Variants in SIRPG observed in about 807,000 individuals in gnomAD.
SIRPG encodes the protein signal-regulatory protein gamma.
In SIRPG, 38 loss-of-function variants were observed where a neutral mutation model predicts 35.7. The ratio of observed to expected loss-of-function variants is 1.06; its 90% CI spans 0.82 to 1.40. The LOEUF (loss-of-function observed/expected upper bound fraction) is 1.40. SIRPG is among the 40% of genes most tolerant of loss of function. SIRPG has a pLI of 0.00. For synonymous variants in SIRPG, 215 were observed against 190.4 expected, an observed-to-expected ratio of 1.13 and a Z score of -1.06; for missense variants, 519 against 483.0, an observed-to-expected ratio of 1.07 and a Z score of -0.70.
rs1011612343 is a variant in SIRPG, at chr20:1,647,697, G to A, written c.430+1355C>T. ...AATTTTGATATTTCCATAAATTGGA[G>A]TGTTCTGCAGCTGCTAAAGAGTGGA... is the stretch of plus-strand genomic sequence containing the variant. On this transcript the variant is annotated intron_variant, in intron 2 of 5. Transcript: ENST00000303415. 1.6e-4 allele frequency: 24 copies of A among 152,214 alleles called. 1 individual carries two copies. Among genetic ancestry groups the A allele is most frequent in the African/African-American group, 5.5e-4 (23 of 41,458 alleles). 9.4% of individuals were successfully genotyped at this position (152,214 alleles called of 1,614,324 possible).
At chr20:1,681,574 G>A in the SIRPG span, among the ~76,000 whole-genome samples, 4 of 152,182 alleles carry the variant, frequency 2.6e-5, no homozygotes, top group African/African-American at 7.2e-5. Flanking sequence ...GCTCAAGCCT[G>A]TAATCCCAGT....
chr20:1,645,484 C>G (rs941820461), intron 2 of SIRPG, among the ~76,000 whole-genome samples: 31 of 152,160 alleles, frequency 2.0e-4, no homozygotes. Flanking sequence ...CACCCCAAAC[C>G]CTATGTATCC....
rs138452343 is a variant in SIRPG, at chr20:1,649,301, C to T, written c.181G>A (p.Val61Met). 10 of 1,614,092 alleles carry T rather than the reference C, an allele frequency of 6.2e-6. No individual in the cohort carries two copies. Among genetic ancestry groups the T allele is most frequent in the East Asian group, 2.2e-5 (1 of 44,884 alleles). ...CCTCTGAACCACAGGACGGGTCCCA[C>T]GGGAAGCAGGGAGGTCACAGTGCAG... ...LHCTVTSLLP[V>M]GPVLWFRGVG... The change falls in exon 2 of 6, where the codon GTG (valine) becomes ATG (methionine). Residue 61 changes from valine to methionine, a missense_variant. Physicochemically the swap from Val to Met is conservative, Grantham distance 21 (BLOSUM62 1). Coordinates refer to ENST00000303415, the MANE Select transcript of SIRPG (RefSeq NM_018556.4).
At chr20:1,653,277 C>T (rs2091953644) in intron 1 of SIRPG, among the ~76,000 whole-genome samples, 1 of 152,158 alleles carries the variant, frequency 6.6e-6, no homozygotes, top group African/African-American at 2.4e-5. Context: ...GAGCCTGGAG[C>T]ACTTTGTGCT....
At chr20:1,654,146 G>C (rs2091960582) in intron 1 of SIRPG, among the ~76,000 whole-genome samples, 1 of 151,908 alleles carries the variant, frequency 6.6e-6, no homozygotes, top group Non-Finnish European at 1.5e-5. Flanking sequence ...GGCTGAGGCA[G>C]GGGAATCACT....
intron 2 of SIRPG, among the ~76,000 whole-genome samples, chr20:1,639,879 TC>T (rs1236123359): frequency 6.6e-6 from 1 of 152,208 alleles, no homozygotes; most frequent in African/African-American, 2.4e-5. Flanking sequence ...AAATAGGGAA[TC>T]CTTTCCCCAT....
At chr20:1,649,610 C>G (rs1261540505) in intron 1 of SIRPG, among the ~76,000 whole-genome samples, 1 of 147,600 alleles carries the variant, frequency 6.8e-6, no homozygotes, top group Admixed American at 6.8e-5. Flanking sequence ...GGCACTGAGG[C>G]CTGAGGCACA....
chr20:1,682,965 A>G, the SIRPG span, among the ~76,000 whole-genome samples: 1 of 152,236 alleles, frequency 6.6e-6, no homozygotes, highest in Non-Finnish European at 1.5e-5. Flanking sequence ...GAGACAACAT[A>G]CAGAATGGGA....
Position 1,635,482 on chromosome 20 carries a change from C to G in SIRPG, c.866G>C (p.Gly289Ala). Residue 289 changes from glycine (G) to alanine (A), a missense_variant, in exon 4 of 6, where the codon GGA becomes GCA. Physicochemically the swap from Gly to Ala is moderately conservative, Grantham distance 60 (BLOSUM62 0). Transcript: ENST00000303415. ...GGCTGTTTCTCTCTGGCACACGTTT[C>G]CATTCTCCGACCAGGTCAGCTGTAG... Reference protein sequence around the residue: ...QSLQLTWSENGNVCQRETAST... With the variant: ...QSLQLTWSENANVCQRETAST... 1 of 1,614,154 alleles carries G rather than the reference C, an allele frequency of 6.2e-7. No homozygotes were observed.
chr20:1,635,515 G>A lies in SIRPG; in HGVS notation c.833C>T (p.Pro278Leu). Residue 278 changes from proline to leucine, a missense_variant, in exon 4 of 6, where the codon CCC (proline) becomes CTC (leucine). Pro to Leu is a moderately conservative substitution (Grantham distance 98). Transcript: ENST00000303415. ...NVTCQVRKFY[P>L]QSLQLTWSEN... is the part of the protein sequence containing the mutation. ...CGACCAGGTCAGCTGTAGGCTCTGGGGGTAGAACTTCCTCACCTGGCAGGT... is the reference window on the plus strand; with the variant it reads ...CGACCAGGTCAGCTGTAGGCTCTGGAGGTAGAACTTCCTCACCTGGCAGGT... 1.9e-6 allele frequency: 3 copies of A among 1,614,122 alleles called. No individual in the cohort carries two copies. Among genetic ancestry groups the A allele is most frequent in the Non-Finnish European group, 2.5e-6 (3 of 1,179,986 alleles).
At chr20:1,669,362 G>C in the SIRPG span, among the ~76,000 whole-genome samples, 5 of 152,218 alleles carry the variant, frequency 3.3e-5, no homozygotes, top group African/African-American at 1.2e-4. Flanking sequence ...TAGATGAACG[G>C]AAATTTGCAC....
chr20:1,668,241 TTC>T, the SIRPG span, among the ~76,000 whole-genome samples: 15 of 104,826 alleles, frequency 1.4e-4, no homozygotes, highest in African/African-American at 4.8e-4. Flanking sequence ...CTTTCTTTCT[TTC>T]TTTCTTTTTC....
chr20:1,644,832 C>T (rs2091885185), intron 2 of SIRPG, among the ~76,000 whole-genome samples: 1 of 152,210 alleles, frequency 6.6e-6, no homozygotes, highest in Admixed American at 6.5e-5. Context: ...CAGGGGGCCT[C>T]TGCACCACAC....
At chr20:1,647,078 C>T (rs2091903336) in intron 2 of SIRPG, 1 of 151,638 alleles carries the variant, frequency 6.6e-6, no homozygotes, top group Non-Finnish European at 1.5e-5. Flanking sequence ...GGCTGTAAGT[C>T]AGGCTGGTGG....
chr20:1,662,016 G>T (rs2091997348), upstream of SIRPG, among the ~76,000 whole-genome samples: 1 of 152,148 alleles, frequency 6.6e-6, no homozygotes, highest in Non-Finnish European at 1.5e-5. Context: ...AGCTTTCTGG[G>T]ATGAAACCCA....
chr20:1,633,284 A>T (rs2091765811), intron 4 of SIRPG, among the ~76,000 whole-genome samples: 1 of 152,230 alleles, frequency 6.6e-6, no homozygotes, highest in African/African-American at 2.4e-5. Context: ...CTTGAGGCCC[A>T]AGTGTTTCAA....
chr20:1,658,786 C>T (rs991448257), upstream of SIRPG, among the ~76,000 whole-genome samples: 1 of 152,106 alleles, frequency 6.6e-6, no homozygotes, highest in Admixed American at 6.5e-5. Flanking sequence ...TTGAATGGAT[C>T]CCTCCTGCAT....
chr20:1,671,443 G>T, the SIRPG span, among the ~76,000 whole-genome samples: 1 of 152,192 alleles, frequency 6.6e-6, no homozygotes, highest in Non-Finnish European at 1.5e-5. Context: ...CAGGAACAAA[G>T]TTACTGATTG....
chr20:1,644,220 G>T (rs1332373131), intron 2 of SIRPG, among the ~76,000 whole-genome samples: 1 of 151,670 alleles, frequency 6.6e-6, no homozygotes, highest in Non-Finnish European at 1.5e-5. Context: ...TCCCCCTAGG[G>T]GCTCAGGCCC....
Sources: gnomAD v4.1 joint callset for allele counts (sites outside exome capture counted in the v4.1 genomes callset) on GRCh38, gnomAD v4.1.1 for gene constraint, MANE v1.5 for transcripts, NCBI Gene and HGNC (gene_info 2026-07-23, HGNC 2026-07-21) for gene names.